The following TMTC1 variants were observed in gnomAD, a reference collection of about 807,000 sequenced individuals.
The protein encoded by TMTC1 is transmembrane O-mannosyltransferase targeting cadherins 1, also known as protein O-mannosyl-transferase TMTC1.
TMTC1 carries 73 observed loss-of-function variants against 104.8 expected under a neutral mutation model. The ratio of observed to expected loss-of-function variants is 0.70; its 90% CI spans 0.58 to 0.85. The LOEUF is 0.85. Ranked by LOEUF, TMTC1 falls within the 40% of genes least tolerant of loss-of-function variation. The pLI, the probability that TMTC1 is intolerant of heterozygous loss-of-function variation, is 0.00. For synonymous variants in TMTC1, 434 were observed against 428.7 expected (o/e 1.01, Z -0.15); for missense variants, 1,035 against 1,096.1 (o/e 0.94, Z 0.79).
chr12:29,609,440 A>G (rs1301050949), intron 6 of TMTC1, among the ~76,000 whole-genome samples: 1 of 152,218 alleles, frequency 6.6e-6, no homozygotes, highest in African/African-American at 2.4e-5. Flanking sequence ...GATGGTAGTC[A>G]CCAATGAATG....
At chr12:29,616,301 C>T (rs1192425762) in intron 6 of TMTC1, among the ~76,000 whole-genome samples, 2 of 152,170 alleles carry the variant, frequency 1.3e-5, no homozygotes, top group East Asian at 1.9e-4. Context: ...CTATAACCTA[C>T]TCCCCAAAAA....
intron 5 of TMTC1, among the ~76,000 whole-genome samples, chr12:29,637,808 A>G (rs1205786077): frequency 6.6e-6 from 1 of 152,250 alleles, no homozygotes; most frequent in Admixed American, 6.5e-5. Context: ...ATAGGTACAT[A>G]TGAAAAAATC....
At chr12:29,569,222 TA>T (rs1945600940) in intron 9 of TMTC1, among the ~76,000 whole-genome samples, 1 of 152,020 alleles carries the variant, frequency 6.6e-6, no homozygotes, top group African/African-American at 2.4e-5. Context: ...ATTCAAAAAA[TA>T]AAAAAATTTA....
Position 29,536,252 on chromosome 12 carries a change from A to T in TMTC1, c.1742T>A (p.Phe581Tyr). The T allele has an allele frequency of 6.2e-7, 1 of 1,613,500 alleles. No homozygotes were observed. Among genetic ancestry groups the T allele is most frequent in the Non-Finnish European group, 8.5e-7 (1 of 1,179,750 alleles). The change falls in exon 11 of 18, where the codon TTT (phenylalanine) becomes TAT (tyrosine). Residue 581 changes from phenylalanine to tyrosine, a missense_variant. Physicochemically the swap from Phe to Tyr is conservative, Grantham distance 22. Transcript: ENST00000539277. ...AGCTAAGCTTGAATATGCATCTGCA[A>T]ACTCTGGACCATATTTGATGGAATC... is the stretch of plus-strand genomic sequence containing the variant. ...LKDSIKYGPE[F>Y]ADAYSSLASL...
chr12:29,506,679 G>A lies in TMTC1; in HGVS notation c.*167C>T. The A allele has an allele frequency of 1.3e-6, 1 of 754,444 alleles. No homozygotes were observed. The highest frequency in any genetic ancestry group is 1.9e-5 in the South Asian group (1 of 52,084). 46.7% of individuals were successfully genotyped at this position (754,444 alleles called of 1,614,324 possible). ...TTTCGTCTTCTTCATGGAAAAGCAA[G>A]TCCTTCAGCACTGGGCTACCAGCAG... On this transcript the variant is annotated 3_prime_UTR_variant, in exon 18 of 18. Coordinates refer to ENST00000539277, the MANE Select transcript of TMTC1 (RefSeq NM_001193451.2).
chr12:29,542,980 T>C (rs1396352274), intron 10 of TMTC1, among the ~76,000 whole-genome samples: 1 of 152,088 alleles, frequency 6.6e-6, no homozygotes, highest in African/African-American at 2.4e-5. Context: ...CTCCTAATAT[T>C]TTGCAGCAAA....
chr12:29,687,767 G>A (rs545350879), intron 5 of TMTC1, among the ~76,000 whole-genome samples: 2 of 152,256 alleles, frequency 1.3e-5, no homozygotes, highest in East Asian at 1.9e-4. Flanking sequence ...TCTCTTCTTG[G>A]CTTGCAGACA....
intron 9 of TMTC1, among the ~76,000 whole-genome samples, chr12:29,559,653 T>C (rs767616599): frequency 6.6e-6 from 1 of 152,170 alleles, no homozygotes; most frequent in Non-Finnish European, 1.5e-5. Flanking sequence ...AGAGGCTCTA[T>C]GTTGGCAAAG....
chr12:29,507,136 C>G lies in TMTC1; in HGVS notation c.2509-150G>C, dbSNP rs1943715419. ...TCTGTATGTGTAATTTTATCCTTGT[C>G]TATTGGTGCTTTTGAAGACTCCATT... On this transcript the variant is annotated intron_variant, in intron 17 of 17. Transcript: ENST00000539277. 4.5e-6 allele frequency: 3 copies of G among 671,728 alleles called. No individual in the cohort carries two copies. The East Asian group carries it at 7.9e-5, about 18-fold the overall frequency. The allele number at this position is 671,728 out of a possible 1,614,324, so 41.6% of individuals were successfully genotyped here.
At chr12:29,672,009 A>G (rs1170620629) in intron 5 of TMTC1, among the ~76,000 whole-genome samples, 1 of 152,142 alleles carries the variant, frequency 6.6e-6, no homozygotes, top group Non-Finnish European at 1.5e-5. Flanking sequence ...CCTCCTGTAT[A>G]TGGGGGCACT....
In TMTC1 at chr12:29,536,172, A is replaced by G. The variant is rs201162706; in HGVS notation, c.1785+37T>C. 6.9e-6 allele frequency: 9 copies of G among 1,301,922 alleles called. No individual in the cohort carries two copies. In the African/African-American group the frequency reaches 1.2e-4, roughly 17 times the overall value. The allele number at this position is 1,301,922 out of a possible 1,614,324, so 80.6% of individuals were successfully genotyped here. On this transcript the variant is annotated intron_variant, in intron 11 of 17. Transcript: ENST00000539277. ...TGTAACATTAATTTATACATGTAACAATAACATTGAAAAAAACTACTGTGT... is the reference window on the plus strand; with the variant it reads ...TGTAACATTAATTTATACATGTAACGATAACATTGAAAAAAACTACTGTGT...
At chr12:29,581,301 T>A (rs1254400168) in intron 8 of TMTC1, among the ~76,000 whole-genome samples, 1 of 152,206 alleles carries the variant, frequency 6.6e-6, no homozygotes, top group Non-Finnish European at 1.5e-5. Flanking sequence ...TAATAGTCTT[T>A]TAAAGTCTCA....
At chr12:29,519,903 C>T (rs1290057073) in intron 12 of TMTC1, 1 of 152,168 alleles carries the variant, frequency 6.6e-6, no homozygotes, top group Non-Finnish European at 1.5e-5. Flanking sequence ...AATAAAACCC[C>T]TTTAAGCATT....
chr12:29,657,157 C>G (rs920479300), intron 5 of TMTC1, among the ~76,000 whole-genome samples: 1 of 152,158 alleles, frequency 6.6e-6, no homozygotes, highest in Non-Finnish European at 1.5e-5. Context: ...AGAATGAACG[C>G]TCAAATTCAG....
intron 5 of TMTC1, among the ~76,000 whole-genome samples, chr12:29,696,315 GA>G (rs1351865697): frequency 2.0e-5 from 3 of 152,026 alleles, no homozygotes; most frequent in African/African-American, 7.2e-5. Flanking sequence ...GGAAACAAAA[GA>G]ATAATGTATT....
At chr12:29,760,818 T>C (rs1943327428) in intron 2 of TMTC1, among the ~76,000 whole-genome samples, 1 of 150,020 alleles carries the variant, frequency 6.7e-6, no homozygotes, top group African/African-American at 2.4e-5. Flanking sequence ...TATACCATGA[T>C]TCATAATTAT....
intron 6 of TMTC1, among the ~76,000 whole-genome samples, chr12:29,629,908 T>C (rs1938209390): frequency 6.6e-6 from 1 of 152,222 alleles, no homozygotes; most frequent in African/African-American, 2.4e-5. Flanking sequence ...ATGTTTTGTG[T>C]TTAAATTTCA....
intron 9 of TMTC1, among the ~76,000 whole-genome samples, chr12:29,562,746 G>A (rs551923512): frequency 2.3e-4 from 35 of 152,142 alleles, no homozygotes; most frequent in Non-Finnish European, 2.4e-4. Flanking sequence ...GTGAATAAAT[G>A]GGCTTCTACA....
intron 11 of TMTC1, among the ~76,000 whole-genome samples, chr12:29,527,384 G>A (rs1248205566): frequency 6.6e-6 from 1 of 152,198 alleles, no homozygotes; most frequent in Non-Finnish European, 1.5e-5. Flanking sequence ...ACCACTGAGT[G>A]GAATTCAGAC....
Sources: allele counts gnomAD v4.1 joint callset (sites outside exome capture counted in the v4.1 genomes callset), GRCh38; gene constraint gnomAD v4.1.1; transcripts MANE v1.5; gene names NCBI Gene and HGNC (gene_info 2026-07-23, HGNC 2026-07-21).